NIPSNAP2: variants seen among roughly 807,000 people sequenced by gnomAD.
The protein encoded by NIPSNAP2 is protein NipSnap homolog 2.
Under a neutral mutation model 48.4 loss-of-function variants are expected in NIPSNAP2, and 42 were observed. The ratio of observed to expected loss-of-function variants is 0.87; its 90% CI spans 0.68 to 1.12. NIPSNAP2 has a LOEUF of 1.12. NIPSNAP2 is among the 50% of genes most tolerant of loss of function. The pLI, the probability that NIPSNAP2 is intolerant of heterozygous loss-of-function variation, is 0.00. For missense variants in NIPSNAP2, 314 were observed against 347.3 expected (o/e 0.90, Z 0.76); for synonymous variants, 158 against 126.6 (o/e 1.25, Z -1.67).
At position 55,991,606 on chromosome 7, in the gene NIPSNAP2, A is replaced by G. The variant is rs111488013; in HGVS notation, c.618-3288A>G. On this transcript the variant is annotated intron_variant, in intron 7 of 9. Coordinates refer to ENST00000322090, the MANE Select transcript of NIPSNAP2 (RefSeq NM_001483.3). ...TACTAAAAATAACAAAAATTAGCCAAGTGTGGTGGTGCATGCCTGTAATCC... is the reference window on the plus strand; with the variant it reads ...TACTAAAAATAACAAAAATTAGCCAGGTGTGGTGGTGCATGCCTGTAATCC... Among the ~76,000 whole-genome samples, 1,058 of 151,844 alleles carry G rather than the reference A, an allele frequency of 7.0e-3. 21 individuals are homozygous for G. Among genetic ancestry groups the G allele is most frequent in the African/African-American group, 0.025 (1,024 of 41,420 alleles).
chr7:55,986,983 T>TAAAAA (rs71561981), intron 7 of NIPSNAP2, among the ~76,000 whole-genome samples: 2 of 54,798 alleles, frequency 3.6e-5, no homozygotes, highest in African/African-American at 8.1e-5. Context: ...CCTGTCTCTA[T>TAAAAA]AAAAAAAAAA....
chr7:55,994,375 T>C (rs1486328197), intron 7 of NIPSNAP2, among the ~76,000 whole-genome samples: 3 of 152,192 alleles, frequency 2.0e-5, no homozygotes, highest in Non-Finnish European at 4.4e-5. Flanking sequence ...CTCAAAAAAA[T>C]TAGTATAGCT....
At chr7:55,965,499 C>T (rs868553237) in intron 1 of NIPSNAP2, among the ~76,000 whole-genome samples, 12 of 152,170 alleles carry the variant, frequency 7.9e-5, no homozygotes, top group South Asian at 6.2e-4. Flanking sequence ...GTTTAAATTA[C>T]CTAAGGAACT....
At chr7:55,982,017 G>C (rs1465632968) in intron 4 of NIPSNAP2, 193 bp from the exon 5 acceptor site, 2 of 406,092 alleles carry the variant, frequency 4.9e-6, no homozygotes, top group Admixed American at 8.0e-5. Context: ...ATGTTGGCCA[G>C]GCTGGTCTGG....
rs36009676 is a variant in NIPSNAP2, at chr7:55,970,309, AT to A, written c.92+5625del. Among the ~76,000 whole-genome samples, 638 of 136,706 alleles carry A rather than the reference AT, an allele frequency of 4.7e-3. 1 individual carries two copies. The highest frequency in any genetic ancestry group is 7.1e-3 in the African/African-American group (262 of 37,022). 89.7% of individuals were successfully genotyped at this position (136,706 alleles called of 152,430 possible). On this transcript the variant is annotated intron_variant, in intron 1 of 9. Transcript: ENST00000322090. Reference sequence around the variant, plus strand: ...CTGCCAGGCTGCTTTTGACACTTAGATTTTTTTTTTTTTTTTTGAAACGGAG... The same window carrying A: ...CTGCCAGGCTGCTTTTGACACTTAGATTTTTTTTTTTTTTTTGAAACGGAG...
chr7:55,994,516 A>G (rs529867938), intron 7 of NIPSNAP2, among the ~76,000 whole-genome samples: 1 of 152,158 alleles, frequency 6.6e-6, no homozygotes, highest in East Asian at 1.9e-4. Context: ...AGTTTGAGAC[A>G]AGCCTGGCCA....
chr7:55,972,764 G>A (rs1467400669), intron 1 of NIPSNAP2, among the ~76,000 whole-genome samples: 1 of 152,040 alleles, frequency 6.6e-6, no homozygotes, highest in Non-Finnish European at 1.5e-5. Context: ...TAAATGTAGT[G>A]TACGTAAAAC....
chr7:55,964,964 C>G (rs1196216904), intron 1 of NIPSNAP2: 1 of 180,636 alleles, frequency 5.5e-6, no homozygotes, highest in Non-Finnish European at 1.1e-5. Flanking sequence ...GGCCCGGAGG[C>G]CACATCCTCC....
intron 5 of NIPSNAP2, among the ~76,000 whole-genome samples, chr7:55,982,833 G>A (rs1787245615): frequency 1.3e-5 from 2 of 149,662 alleles, no homozygotes; most frequent in South Asian, 4.3e-4. Flanking sequence ...CTTTGAAACC[G>A]GTGACTGGGC....
At chr7:55,998,506 T>TTG (rs1407101256) in intron 9 of NIPSNAP2, among the ~76,000 whole-genome samples, 3 of 134,322 alleles carry the variant, frequency 2.2e-5, no homozygotes, top group African/African-American at 8.2e-5. Flanking sequence ...TTTTTTTTTT[T>TTG]TTTTTTTTTT....
intron 1 of NIPSNAP2, among the ~76,000 whole-genome samples, chr7:55,968,802 G>C (rs1786952367): frequency 6.6e-6 from 1 of 152,120 alleles, no homozygotes. Context: ...AAGGCTCACG[G>C]ATCACATGAG....
chr7:55,997,322 T>C, intron 8 of NIPSNAP2, 44 bp from the exon 9 acceptor site: 1 of 1,347,068 alleles, frequency 7.4e-7, no homozygotes, highest in Non-Finnish European at 1.1e-6. Flanking sequence ...TGGAATGCAG[T>C]GTATGTGTTT....
At chr7:55,977,500 CAT>C (rs1295332041) in intron 1 of NIPSNAP2, among the ~76,000 whole-genome samples, 2 of 152,004 alleles carry the variant, frequency 1.3e-5, no homozygotes, top group Non-Finnish European at 2.9e-5. Context: ...TGTGGTAAAA[CAT>C]ATATACATAA....
intron 8 of NIPSNAP2, among the ~76,000 whole-genome samples, chr7:55,996,438 G>A (rs1262368208): frequency 6.6e-6 from 1 of 152,048 alleles, no homozygotes; most frequent in African/African-American, 2.4e-5. Flanking sequence ...CACCTGGTCA[G>A]CTTGCACCTT....
At chr7:55,967,112 G>A (rs558674855) in intron 1 of NIPSNAP2, among the ~76,000 whole-genome samples, 50 of 152,392 alleles carry the variant, frequency 3.3e-4, no homozygotes, top group African/African-American at 1.2e-3. Flanking sequence ...CAGCAAGCTT[G>A]GAATTCCCAG....
chr7:55,993,259 A>G (rs1787486016), intron 7 of NIPSNAP2, among the ~76,000 whole-genome samples: 2 of 151,552 alleles, frequency 1.3e-5, no homozygotes, highest in Admixed American at 6.6e-5. Flanking sequence ...AGATCCCGCC[A>G]CTGCACTCCT....
rs761984437 is a variant in NIPSNAP2, at chr7:55,978,280, T to A, written c.232+15T>A. 6 of 1,613,966 alleles carry A rather than the reference T, an allele frequency of 3.7e-6. No homozygotes were observed. The highest frequency in any genetic ancestry group is 5.1e-6 in the Non-Finnish European group (6 of 1,179,918). Reference sequence around the variant, plus strand: ...CAAATTACAGTGTGAGTGACAGGTTTGCTATCTTCATAGTTGACTTTTTTT... The same window carrying A: ...CAAATTACAGTGTGAGTGACAGGTTAGCTATCTTCATAGTTGACTTTTTTT... On this transcript the variant is annotated intron_variant, in intron 2 of 9. Coordinates refer to ENST00000322090, the MANE Select transcript of NIPSNAP2 (RefSeq NM_001483.3).
chr7:55,969,627 C>A (rs1786972354), intron 1 of NIPSNAP2, among the ~76,000 whole-genome samples: 2 of 152,168 alleles, frequency 1.3e-5, no homozygotes, highest in African/African-American at 4.8e-5. Flanking sequence ...CCCGTGAAGT[C>A]AGGGCCAGGT....
Position 55,994,877 on chromosome 7 carries a change from T to C in NIPSNAP2, c.618-17T>C. On this transcript the variant is annotated splice_polypyrimidine_tract_variant and intron_variant, in intron 7 of 9. Transcript: ENST00000322090. ...TCTAATTCAGTGTCTTAAACAAACA[T>C]CATCTCATTCTTACAGGGCTCGTGC... The C allele has an allele frequency of 6.2e-7, 1 of 1,609,010 alleles. No individual in the cohort carries two copies. The highest frequency in any genetic ancestry group is 8.5e-7 in the Non-Finnish European group (1 of 1,175,298).
Sources: allele counts gnomAD v4.1 joint callset (sites outside exome capture counted in the v4.1 genomes callset), GRCh38; gene constraint gnomAD v4.1.1; transcripts MANE v1.5; gene names NCBI Gene and HGNC (gene_info 2026-07-23, HGNC 2026-07-21).